Variants in POPDC2 observed in about 807,000 individuals in gnomAD.
POPDC2 encodes the protein popeye domain-containing protein 2.
A neutral mutation model predicts 30.5 loss-of-function variants in POPDC2; 24 were observed. That is an observed-to-expected ratio of 0.79 (90% CI 0.57 to 1.11). POPDC2 has a LOEUF of 1.11. POPDC2 is among the 50% of genes least tolerant of loss of function. POPDC2 has a pLI of 0.00. For synonymous variants in POPDC2, 185 were observed against 183.3 expected (o/e 1.01, Z -0.07); for missense variants, 409 against 447.0 (o/e 0.91, Z 0.77).
At chr3:119,647,721 C>T (rs748367290) in intron 3 of POPDC2, among the ~76,000 whole-genome samples, 10 of 152,142 alleles carry the variant, frequency 6.6e-5, no homozygotes, top group African/African-American at 1.4e-4. Flanking sequence ...CTTTCCAGGA[C>T]GGGCTCTGTA....
In POPDC2 at chr3:119,642,464, G is replaced by C; in HGVS notation, c.*141C>G. On this transcript the variant is annotated 3_prime_UTR_variant, in exon 4 of 4. Transcript: ENST00000493094. ...AGCTGCGCTGGCCACAGAGAAGATA[G>C]TCCAATGATCCTTAAAGTTCAGGCG... The C allele has an allele frequency of 6.3e-7, 1 of 1,585,808 alleles. No individual in the cohort carries two copies. Among genetic ancestry groups the C allele is most frequent in the South Asian group, 1.1e-5 (1 of 90,512 alleles).
intron 3 of POPDC2, chr3:119,643,599 C>A: frequency 1.6e-6 from 1 of 617,746 alleles, no homozygotes; most frequent in Non-Finnish European, 2.9e-6. Context: ...CACAGCAACC[C>A]GGTAAGGTAG....
Position 119,646,980 on chromosome 3 carries a change from GGAATTA to G in POPDC2, c.*43+1133_*43+1138del, listed in dbSNP as rs2052752620. Among the ~76,000 whole-genome samples the G allele has an allele frequency of 2.3e-4, 35 of 152,282 alleles. 1 individual carries two copies. The South Asian group carries it at 7.3e-3, about 32-fold the overall frequency. ...GATCTGGGGTGTTAGATTGATCCTT[GGAATTA>G]CCTCAGAATGAGCTGAACTATGGTT... On this transcript the variant is annotated intron_variant, in intron 3 of 3. Transcript: ENST00000493094.
At chr3:119,645,314 G>C (rs1025933839) in intron 3 of POPDC2, among the ~76,000 whole-genome samples, 1 of 152,202 alleles carries the variant, frequency 6.6e-6, no homozygotes. Context: ...CGTAATCCCA[G>C]CACTTTGGGA....
chr3:119,657,695 G>C (rs1231553241), intron 1 of POPDC2, among the ~76,000 whole-genome samples: 3 of 152,238 alleles, frequency 2.0e-5, no homozygotes, highest in Non-Finnish European at 4.4e-5. Flanking sequence ...ACCAAAGAGT[G>C]ACAACCGTAG....
chr3:119,653,484 T>G (rs1008960485), intron 2 of POPDC2, among the ~76,000 whole-genome samples: 9 of 151,624 alleles, frequency 5.9e-5, no homozygotes, highest in African/African-American at 1.9e-4. Context: ...CAATTCTTTT[T>G]TTTTTTTTTT....
At chr3:119,660,630 C>G (rs917516140), upstream of POPDC2, 2 of 279,798 alleles carry the variant, frequency 7.1e-6, no homozygotes, top group Non-Finnish European at 1.3e-5. Context: ...AAACCTCTTT[C>G]TCTCTCTCTC....
At chr3:119,654,295 T>G (rs964006960) in intron 2 of POPDC2, among the ~76,000 whole-genome samples, 1 of 152,148 alleles carries the variant, frequency 6.6e-6, no homozygotes. Flanking sequence ...ACAAGTAACA[T>G]GGTCTACCCA....
At chr3:119,646,428 C>A (rs1450715798) in intron 3 of POPDC2, among the ~76,000 whole-genome samples, 1 of 151,880 alleles carries the variant, frequency 6.6e-6, no homozygotes, top group Non-Finnish European at 1.5e-5. Flanking sequence ...CCCAGGAGTT[C>A]GAGAACAACC....
At chr3:119,652,227 C>T (rs989838962) in intron 2 of POPDC2, among the ~76,000 whole-genome samples, 4 of 152,010 alleles carry the variant, frequency 2.6e-5, no homozygotes, top group African/African-American at 9.7e-5. Flanking sequence ...GTCACAGTGC[C>T]GAACACACAA....
At chr3:119,653,025 TGA>T (rs765660355) in intron 2 of POPDC2, among the ~76,000 whole-genome samples, 8 of 148,192 alleles carry the variant, frequency 5.4e-5, no homozygotes, top group South Asian at 2.1e-4. Context: ...AAAGGGTGAG[TGA>T]GTGTGTGTGC....
intron 2 of POPDC2, among the ~76,000 whole-genome samples, chr3:119,650,932 T>C (rs2052800580): frequency 6.6e-6 from 1 of 152,218 alleles, no homozygotes; most frequent in Non-Finnish European, 1.5e-5. Context: ...TTTCTTTGTC[T>C]CAGTTGACAG....
chr3:119,647,371 G>A (rs76304201), intron 3 of POPDC2, among the ~76,000 whole-genome samples: 1,720 of 152,276 alleles, frequency 0.011, 27 homozygotes, highest in African/African-American at 0.038. Context: ...AGAACCACTG[G>A]GCACAGCCTT....
chr3:119,660,591 G>A (rs2052932193), upstream of POPDC2: 1 of 702,068 alleles, frequency 1.4e-6, no homozygotes, highest in Non-Finnish European at 2.3e-6. Context: ...AGGAATGATG[G>A]AACATAGTAC....
chr3:119,660,536 C>T lies in POPDC2; in HGVS notation c.-113G>A. The stretch of plus-strand genomic sequence containing the variant: ...TCTTCTCACCTCCGGCTTCTCACTA[C>T]CGACTCCACCTTTCCTAGAAGGAAT... On this transcript the variant is annotated 5_prime_UTR_variant, in exon 1 of 4. Coordinates refer to ENST00000493094, the MANE Select transcript of POPDC2 (RefSeq NM_001369919.2). 8.3e-7 allele frequency: 1 copy of T among 1,206,758 alleles called. No homozygotes were observed. Among genetic ancestry groups the T allele is most frequent in the Non-Finnish European group, 1.1e-6 (1 of 886,106 alleles). The allele number at this position is 1,206,758 out of a possible 1,614,324, so 74.8% of individuals were successfully genotyped here.
At chr3:119,651,777 A>G (rs1210108259) in intron 2 of POPDC2, among the ~76,000 whole-genome samples, 1 of 152,034 alleles carries the variant, frequency 6.6e-6, no homozygotes, top group Admixed American at 6.6e-5. Flanking sequence ...CTGGGATTAT[A>G]GGCACCTGCC....
intron 1 of POPDC2, among the ~76,000 whole-genome samples, chr3:119,657,769 C>G (rs1481254355): frequency 1.3e-5 from 2 of 152,074 alleles, no homozygotes; most frequent in Non-Finnish European, 2.9e-5. Context: ...AATGCTGTGC[C>G]CTTTATCATC....
intron 3 of POPDC2, among the ~76,000 whole-genome samples, chr3:119,644,086 G>A (rs1407596963): frequency 6.6e-6 from 1 of 152,062 alleles, no homozygotes; most frequent in Non-Finnish European, 1.5e-5. Context: ...TTATTGAATC[G>A]TTTCTCTTGC....
chr3:119,645,823 C>T (rs2052740596), intron 3 of POPDC2, among the ~76,000 whole-genome samples: 1 of 152,212 alleles, frequency 6.6e-6, no homozygotes, highest in African/African-American at 2.4e-5. Flanking sequence ...CTGACTACTC[C>T]TCTTTTCTTC....
Sources: gnomAD v4.1 joint callset for allele counts (sites outside exome capture counted in the v4.1 genomes callset) on GRCh38, gnomAD v4.1.1 for gene constraint, MANE v1.5 for transcripts, NCBI Gene and HGNC (gene_info 2026-07-23, HGNC 2026-07-21) for gene names.